TMEM132D: variants seen among roughly 807,000 people sequenced by gnomAD.
TMEM132D encodes transmembrane protein 132D, also known as mature OL transmembrane protein.
TMEM132D carries 21 observed loss-of-function variants against 62.3 expected under a neutral mutation model. The ratio of observed to expected loss-of-function variants is 0.34; its 90% CI spans 0.24 to 0.49. The LOEUF (loss-of-function observed/expected upper bound fraction) is 0.49. Ranked by LOEUF, TMEM132D falls within the 20% of genes least tolerant of loss-of-function variation. TMEM132D has a pLI of 0.99. For synonymous variants in TMEM132D, 621 were observed against 575.6 expected (o/e 1.08, Z -1.13); for missense variants, 1,346 against 1,402.8 (o/e 0.96, Z 0.65).
At chr12:129,508,347 C>T (rs1419187730) in intron 3 of TMEM132D, among the ~76,000 whole-genome samples, 1 of 152,120 alleles carries the variant, frequency 6.6e-6, no homozygotes, top group Non-Finnish European at 1.5e-5. Flanking sequence ...TGTGGTTCAA[C>T]AGCAACAGTG....
At position 129,903,073 on chromosome 12, in the gene TMEM132D, G is replaced by A. The variant is rs183625673; in HGVS notation, c.79+188C>T. The stretch of plus-strand genomic sequence containing the variant: ...TCCAGGACAAGCACCTTCGGCCAAG[G>A]GGCGTCCGAGGAGCTTGGCTGCCGC... On this transcript the variant is annotated intron_variant, in intron 1 of 8. Coordinates refer to ENST00000422113, the MANE Select transcript of TMEM132D (RefSeq NM_133448.3). The surrounding 1 kb of genome is among the most constrained non-coding windows in gnomAD (Gnocchi z 6.2). Among the ~76,000 whole-genome samples the A allele has an allele frequency of 1.8e-4, 28 of 152,294 alleles. No homozygotes were observed. Among genetic ancestry groups the A allele is most frequent in the Non-Finnish European group, 4.0e-4 (27 of 68,022 alleles).
intron 1 of TMEM132D, chr12:129,852,923 G>A (rs1873592782): frequency 6.6e-6 from 1 of 152,122 alleles, no homozygotes; most frequent in Admixed American, 6.5e-5. Context: ...TGCTGAGATT[G>A]ACCACTAAAA....
At chr12:129,636,030 G>C (rs1879466883) in intron 2 of TMEM132D, among the ~76,000 whole-genome samples, 1 of 152,324 alleles carries the variant, frequency 6.6e-6, no homozygotes, top group Non-Finnish European at 1.5e-5. Context: ...CTAAAGAGCT[G>C]GAATCAATAG....
chr12:129,518,495 TTG>T (rs139644995), intron 3 of TMEM132D, among the ~76,000 whole-genome samples: 14 of 150,562 alleles, frequency 9.3e-5, no homozygotes, highest in South Asian at 2.1e-4. Context: ...CTTGACTATA[TTG>T]TGTGTGTGTG....
intron 1 of TMEM132D, among the ~76,000 whole-genome samples, chr12:129,794,253 A>ATTTTTTTT (rs3046861): frequency 5.4e-5 from 6 of 111,574 alleles, no homozygotes; most frequent in Non-Finnish European, 7.0e-5. Context: ...CATGCCCAGC[A>ATTTTTTTT]TTTTTTTTTT....
At chr12:129,567,701 T>A (rs936031774) in intron 2 of TMEM132D, among the ~76,000 whole-genome samples, 2 of 152,196 alleles carry the variant, frequency 1.3e-5, no homozygotes, top group East Asian at 3.8e-4. Context: ...TAAAATTACA[T>A]CATTTATGTT....
chr12:129,468,750 T>A (rs77938446), intron 3 of TMEM132D, among the ~76,000 whole-genome samples: 2,666 of 152,334 alleles, frequency 0.018, 39 homozygotes, highest in Middle Eastern at 0.037. Context: ...CACAAGATAC[T>A]TTGAAAACAA....
At chr12:129,298,851 G>T (rs962072939) in intron 4 of TMEM132D, among the ~76,000 whole-genome samples, 2 of 152,126 alleles carry the variant, frequency 1.3e-5, no homozygotes, top group African/African-American at 4.8e-5. Flanking sequence ...GAACAAGATG[G>T]CCCCGTCAAA....
intron 5 of TMEM132D, among the ~76,000 whole-genome samples, chr12:129,174,399 G>A (rs1877839652): frequency 1.3e-5 from 2 of 152,138 alleles, no homozygotes; most frequent in African/African-American, 4.8e-5. Flanking sequence ...CCCTGCAAAG[G>A]ACATGATCTC....
intron 1 of TMEM132D, among the ~76,000 whole-genome samples, chr12:129,764,588 G>C (rs1179248651): frequency 2.9e-5 from 1 of 34,706 alleles, no homozygotes; most frequent in African/African-American, 7.4e-5. Context: ...TTGTATGTGT[G>C]TTTGTATGTG....
chr12:129,199,526 T>A (rs978939348), intron 5 of TMEM132D, among the ~76,000 whole-genome samples: 2 of 152,236 alleles, frequency 1.3e-5, no homozygotes, highest in African/African-American at 4.8e-5. Flanking sequence ...AGCCTACAGA[T>A]GGGAACCAGA....
chr12:129,649,905 T>C (rs1748574456), intron 2 of TMEM132D, among the ~76,000 whole-genome samples: 1 of 151,896 alleles, frequency 6.6e-6, no homozygotes, highest in Non-Finnish European at 1.5e-5. Context: ...TGTGTGTGTG[T>C]CTATGTGTAC....
intron 3 of TMEM132D, among the ~76,000 whole-genome samples, chr12:129,350,749 A>G (rs1456923245): frequency 6.6e-6 from 1 of 152,184 alleles, no homozygotes. Context: ...GGATTTTATT[A>G]TGACTGGGAA....
At chr12:129,462,682 G>C (rs1174908656) in intron 3 of TMEM132D, among the ~76,000 whole-genome samples, 1 of 152,172 alleles carries the variant, frequency 6.6e-6, no homozygotes, top group Non-Finnish European at 1.5e-5. Context: ...TACAGAAATT[G>C]CTTGCACAAA....
intron 3 of TMEM132D, among the ~76,000 whole-genome samples, chr12:129,364,355 C>A (rs6486452): frequency 0.98 from 149,928 of 152,312 alleles, 73,828 homozygotes; most frequent in Middle Eastern, 1. Context: ...TCACGTAGTT[C>A]ATGTGGTACA....
At chr12:129,368,629 G>A (rs2135679360) in intron 3 of TMEM132D, among the ~76,000 whole-genome samples, 1 of 151,620 alleles carries the variant, frequency 6.6e-6, no homozygotes, top group Middle Eastern at 3.4e-3. Flanking sequence ...ATAAGTTCTG[G>A]GTCCTCCATT....
intron 5 of TMEM132D, among the ~76,000 whole-genome samples, chr12:129,107,108 A>T (rs1039513538): frequency 6.6e-6 from 1 of 152,212 alleles, no homozygotes; most frequent in Non-Finnish European, 1.5e-5. Context: ...GAGGTGATGA[A>T]TGAATGGATA....
intron 5 of TMEM132D, among the ~76,000 whole-genome samples, chr12:129,088,034 G>A (rs113354540): frequency 1.4e-3 from 101 of 73,646 alleles, no homozygotes; most frequent in African/African-American, 8.9e-3. Flanking sequence ...CATGACCGGG[G>A]TGTCCTCTAT....
At chr12:129,850,234 C>T (rs918007258) in intron 1 of TMEM132D, among the ~76,000 whole-genome samples, 3 of 152,188 alleles carry the variant, frequency 2.0e-5, no homozygotes, top group East Asian at 1.9e-4. Context: ...ACGAGGAACA[C>T]GTGACTCACA....
Sources: allele counts gnomAD v4.1 joint callset (sites outside exome capture counted in the v4.1 genomes callset), GRCh38; gene constraint gnomAD v4.1.1; non-coding constraint Gnocchi (gnomAD v3.1); transcripts MANE v1.5; gene names NCBI Gene and HGNC (gene_info 2026-07-23, HGNC 2026-07-21).